DPP10: variants seen among roughly 807,000 people sequenced by gnomAD.
The protein encoded by DPP10 is inactive dipeptidyl peptidase 10.
In DPP10, 33 loss-of-function variants were observed where a neutral mutation model predicts 120.9. The ratio of observed to expected loss-of-function variants is 0.27; its 90% CI spans 0.21 to 0.37. The LOEUF is 0.37. Among genes scored for constraint, DPP10 ranks in the 10% least tolerant of loss-of-function variants. The pLI, the probability that DPP10 is intolerant of heterozygous loss-of-function variation, is 1.00. For synonymous variants in DPP10, 337 were observed against 326.1 expected, an observed-to-expected ratio of 1.03 and a Z score of -0.36; for missense variants, 816 against 942.8, an observed-to-expected ratio of 0.87 and a Z score of 1.76.
chr2:115,321,449 A>G (rs1328725704), intron 2 of DPP10, among the ~76,000 whole-genome samples: 4 of 150,252 alleles, frequency 2.7e-5, no homozygotes, highest in Non-Finnish European at 4.4e-5. Flanking sequence ...TGCTTGCAGG[A>G]TCCTATCTTT....
intron 1 of DPP10, among the ~76,000 whole-genome samples, chr2:115,163,301 T>A (rs1234745597): frequency 6.6e-6 from 1 of 152,156 alleles, no homozygotes; most frequent in Non-Finnish European, 1.5e-5. Context: ...GCAGACTTGG[T>A]CATCTCTCCT....
At chr2:115,531,568 T>C (rs2078466647) in intron 5 of DPP10, among the ~76,000 whole-genome samples, 1 of 152,128 alleles carries the variant, frequency 6.6e-6, no homozygotes, top group East Asian at 1.9e-4. Context: ...CCCTTCAAGG[T>C]TAATGTTTGA....
intron 1 of DPP10, among the ~76,000 whole-genome samples, chr2:114,989,561 G>C (rs1245125518): frequency 1.3e-5 from 2 of 152,194 alleles, no homozygotes; most frequent in African/African-American, 2.4e-5. Flanking sequence ...GACGAATTTT[G>C]AGCAAATGGG....
intron 5 of DPP10, among the ~76,000 whole-genome samples, chr2:115,643,704 C>A (rs927513856): frequency 5.3e-5 from 8 of 152,170 alleles, no homozygotes; most frequent in African/African-American, 1.9e-4. Flanking sequence ...TTTTAGAAAG[C>A]TGATTACAAG....
chr2:114,494,071 A>G (rs1468188121), intron 1 of DPP10, among the ~76,000 whole-genome samples: 1 of 139,788 alleles, frequency 7.2e-6, no homozygotes, highest in Admixed American at 7.6e-5. Flanking sequence ...ATTTAGAGAC[A>G]GTGGCAGGTA....
chr2:115,018,554 C>A (rs923418909), intron 1 of DPP10, among the ~76,000 whole-genome samples: 3 of 152,056 alleles, frequency 2.0e-5, no homozygotes, highest in African/African-American at 7.2e-5. Flanking sequence ...AAAATATGTC[C>A]TTTGCAGGGA....
intron 5 of DPP10, among the ~76,000 whole-genome samples, chr2:115,586,096 G>A (rs2082271601): frequency 6.6e-6 from 1 of 152,138 alleles, no homozygotes; most frequent in African/African-American, 2.4e-5. Flanking sequence ...GCCGAGGCAG[G>A]TGGATCACCT....
chr2:115,708,930 A>G (rs2092223714), intron 7 of DPP10, among the ~76,000 whole-genome samples: 1 of 152,114 alleles, frequency 6.6e-6, no homozygotes, highest in Admixed American at 6.6e-5. Flanking sequence ...AAGAACTTTG[A>G]CTAAAATTGA....
At chr2:115,573,789 A>C (rs1333548320) in intron 5 of DPP10, among the ~76,000 whole-genome samples, 1 of 151,900 alleles carries the variant, frequency 6.6e-6, no homozygotes, top group Non-Finnish European at 1.5e-5. Context: ...TCCTGTCCTC[A>C]ACTGATCTGC....
At chr2:114,918,629 G>A (rs1694976403) in intron 1 of DPP10, among the ~76,000 whole-genome samples, 2 of 152,264 alleles carry the variant, frequency 1.3e-5, no homozygotes, top group South Asian at 2.1e-4. Flanking sequence ...AATGAATGAA[G>A]TCATGTCCTC....
chr2:115,437,377 T>C lies in DPP10; in HGVS notation c.272-62133T>C, dbSNP rs919035998. Among the ~76,000 whole-genome samples, 44 of 151,994 alleles carry C rather than the reference T, an allele frequency of 2.9e-4. 1 individual carries two copies. Among genetic ancestry groups the C allele is most frequent in the African/African-American group, 1.0e-3 (43 of 41,438 alleles). ...TCTAACTTTATAGAGAGGATTGAAA[T>C]TGACCCAGTGCTCCATCTCATCTCA... On this transcript the variant is annotated intron_variant, in intron 3 of 25. Coordinates refer to ENST00000410059, the MANE Select transcript of DPP10 (RefSeq NM_020868.6).
chr2:114,961,324 G>A (rs1281869965), intron 1 of DPP10, among the ~76,000 whole-genome samples: 1 of 151,972 alleles, frequency 6.6e-6, no homozygotes, highest in Non-Finnish European at 1.5e-5. Flanking sequence ...AAAGTGCTGA[G>A]ATTAAAGGCA....
chr2:115,318,885 C>A (rs924201548), intron 2 of DPP10, among the ~76,000 whole-genome samples: 13 of 152,032 alleles, frequency 8.6e-5, no homozygotes, highest in African/African-American at 1.2e-4. Context: ...TCTTCATGTC[C>A]AAATTGACCA....
rs1365340247 is a variant in DPP10 at position 114,581,160 on chromosome 2, CT to C, written c.60+138329del. ...TCATAGAAATATAAAACATCATTTTCTTTTTTTCTTCTCTTTTTTTTTTTTT... is the reference window on the plus strand; with the variant it reads ...TCATAGAAATATAAAACATCATTTTCTTTTTTCTTCTCTTTTTTTTTTTTT... On this transcript the variant is annotated intron_variant, in intron 1 of 25. Coordinates refer to ENST00000410059, the MANE Select transcript of DPP10 (RefSeq NM_020868.6). 2.9e-4 allele frequency among the ~76,000 whole-genome samples: 36 copies of C among 122,608 alleles called. 1 individual carries two copies. The highest frequency in any genetic ancestry group is 9.8e-4 in the African/African-American group (31 of 31,606). The allele number at this position is 122,608 out of a possible 152,430, so 80.4% of individuals were successfully genotyped here. A position where few individuals can be genotyped will look rare whatever the true frequency, so the allele number is the denominator to read the frequency against.
chr2:115,807,554 A>G (rs1209147262), intron 19 of DPP10, among the ~76,000 whole-genome samples: 2 of 152,202 alleles, frequency 1.3e-5, no homozygotes, highest in Non-Finnish European at 2.9e-5. Context: ...CAGTTTTTGC[A>G]TCAGGCTAAG....
At chr2:114,499,449 TG>T (rs1237958618) in intron 1 of DPP10, among the ~76,000 whole-genome samples, 1 of 152,246 alleles carries the variant, frequency 6.6e-6, no homozygotes, top group African/African-American at 2.4e-5. Flanking sequence ...TTCGCTAAGC[TG>T]GACAACTCTA....
intron 1 of DPP10, among the ~76,000 whole-genome samples, chr2:114,520,440 A>G (rs747266101): frequency 1.4e-4 from 21 of 152,204 alleles, no homozygotes; most frequent in Non-Finnish European, 3.1e-4. Flanking sequence ...GAATGCCACC[A>G]CTTTTGTCTG....
At chr2:115,489,851 G>C (rs1402793918) in intron 3 of DPP10, among the ~76,000 whole-genome samples, 1 of 152,130 alleles carries the variant, frequency 6.6e-6, no homozygotes, top group East Asian at 1.9e-4. Flanking sequence ...GAGATTAGCT[G>C]ACAGTCTGAC....
chr2:114,868,455 T>G (rs1451000735), intron 1 of DPP10, among the ~76,000 whole-genome samples: 1 of 152,220 alleles, frequency 6.6e-6, no homozygotes. Context: ...AGAGTAATTT[T>G]ATTTCCCCAT....
Sources: allele counts gnomAD v4.1 joint callset (sites outside exome capture counted in the v4.1 genomes callset), GRCh38; gene constraint gnomAD v4.1.1; transcripts MANE v1.5; gene names NCBI Gene and HGNC (gene_info 2026-07-23, HGNC 2026-07-21).